Variants in WASF2 observed in about 807,000 individuals in gnomAD.
The protein encoded by WASF2 is WASP family member 2.
In WASF2, 14 loss-of-function variants were observed where a neutral mutation model predicts 45.0. The ratio of observed to expected loss-of-function variants is 0.31; its 90% CI spans 0.21 to 0.49. The LOEUF is 0.49. Ranked by LOEUF, WASF2 falls within the 20% of genes least tolerant of loss-of-function variation. WASF2 has a pLI of 0.99. For missense variants in WASF2, 439 were observed against 636.1 expected, an observed-to-expected ratio of 0.69 and a Z score of 3.33; for synonymous variants, 200 against 236.3, an observed-to-expected ratio of 0.85 and a Z score of 1.41.
intron 2 of WASF2, among the ~76,000 whole-genome samples, chr1:27,422,738 A>G (rs2016926681): frequency 1.3e-5 from 2 of 152,102 alleles, no homozygotes; most frequent in African/African-American, 4.8e-5. Context: ...AGTGGGGATA[A>G]TATCTACCCC....
At chr1:27,489,447 GGTAC>G (rs199600023) in intron 1 of WASF2, among the ~76,000 whole-genome samples, 1 of 72,728 alleles carries the variant, frequency 1.4e-5, no homozygotes, top group African/African-American at 7.6e-5. Context: ...ATTACTTCAT[GGTAC>G]GTACACACAC....
intron 1 of WASF2, among the ~76,000 whole-genome samples, chr1:27,481,980 T>C (rs933293796): frequency 6.6e-6 from 1 of 152,210 alleles, no homozygotes; most frequent in East Asian, 1.9e-4. Flanking sequence ...CATTCAACAA[T>C]TCTTGTTTCT....
At chr1:27,461,460 ATTTTT>A (rs1310567255) in intron 1 of WASF2, among the ~76,000 whole-genome samples, 1 of 127,698 alleles carries the variant, frequency 7.8e-6, no homozygotes, top group Admixed American at 7.8e-5. Context: ...CCACTTCAGC[ATTTTT>A]TTTTTTTTTT....
In WASF2 at chr1:27,470,273, G is replaced by C. The variant is rs2017671675; in HGVS notation, c.-44+19713C>G. Among the ~76,000 whole-genome samples the C allele has an allele frequency of 2.6e-5, 4 of 152,202 alleles. No homozygotes were observed. In the South Asian group the frequency reaches 8.3e-4, roughly 31 times the overall value. ...GTACTTTAGTCAATAAGCATTGGGA[G>C]TCACACATTTGGAGTTCTAGATGAT... is the stretch of plus-strand genomic sequence containing the variant. On this transcript the variant is annotated intron_variant, in intron 1 of 8. Transcript: ENST00000618852.
intron 1 of WASF2, among the ~76,000 whole-genome samples, chr1:27,488,340 T>G (rs192584889): frequency 6.6e-6 from 1 of 152,120 alleles, no homozygotes; most frequent in African/African-American, 2.4e-5. Flanking sequence ...AAAAAACAGG[T>G]TGCACAAAGA....
chr1:27,478,476 A>T (rs902630841), intron 1 of WASF2, among the ~76,000 whole-genome samples: 1 of 152,222 alleles, frequency 6.6e-6, no homozygotes, highest in Non-Finnish European at 1.5e-5. Flanking sequence ...GGTAAATTTA[A>T]TATGTGGGGA....
intron 1 of WASF2, among the ~76,000 whole-genome samples, chr1:27,455,033 G>A (rs1426225599): frequency 2.0e-5 from 3 of 151,974 alleles, no homozygotes; most frequent in Non-Finnish European, 4.4e-5. Flanking sequence ...TTAATTATGA[G>A]ACAATACCAA....
At chr1:27,449,861 T>C (rs1191260476) in intron 1 of WASF2, among the ~76,000 whole-genome samples, 1 of 151,830 alleles carries the variant, frequency 6.6e-6, no homozygotes, top group African/African-American at 2.4e-5. Flanking sequence ...TGAAAATTAT[T>C]GGCTGGGCAT....
chr1:27,476,281 C>T (rs1349743831), intron 1 of WASF2, among the ~76,000 whole-genome samples: 1 of 152,194 alleles, frequency 6.6e-6, no homozygotes, highest in Non-Finnish European at 1.5e-5. Context: ...GGTTTCACTG[C>T]TCACAGTTCT....
At chr1:27,441,642 T>C (rs1342996344) in intron 1 of WASF2, among the ~76,000 whole-genome samples, 1 of 150,892 alleles carries the variant, frequency 6.6e-6, no homozygotes, top group Non-Finnish European at 1.5e-5. Flanking sequence ...TAGTCCCAGC[T>C]ACTCCGGAGG....
chr1:27,463,579 C>T (rs1229496041), intron 1 of WASF2, among the ~76,000 whole-genome samples: 2 of 144,702 alleles, frequency 1.4e-5, no homozygotes, highest in African/African-American at 5.2e-5. Context: ...GCCGAGATAG[C>T]GCCACTGCAC....
At chr1:27,418,776 G>A (rs916284188) in intron 3 of WASF2, among the ~76,000 whole-genome samples, 178 bp downstream of exon 3, 1 of 152,078 alleles carries the variant, frequency 6.6e-6, no homozygotes, top group African/African-American at 2.4e-5. Context: ...GTGCATGGGG[G>A]TGTGGTGGAG....
At chr1:27,469,556 G>C (rs952896791) in intron 1 of WASF2, among the ~76,000 whole-genome samples, 2 of 152,116 alleles carry the variant, frequency 1.3e-5, no homozygotes, top group African/African-American at 4.8e-5. Context: ...CATTGTAGAA[G>C]ATGCACAGAA....
chr1:27,440,078 C>T (rs184421999), intron 1 of WASF2, among the ~76,000 whole-genome samples: 7 of 152,168 alleles, frequency 4.6e-5, no homozygotes, highest in Admixed American at 6.5e-5. Flanking sequence ...AAAAAACAGA[C>T]GGAAAGGTTT....
chr1:27,420,514 C>CTTTTTTTT (rs782294669), intron 2 of WASF2, among the ~76,000 whole-genome samples: 10 of 82,490 alleles, frequency 1.2e-4, no homozygotes, highest in Admixed American at 2.0e-4. Context: ...ACCATCTGAG[C>CTTTTTTTT]TTTTTTTTTT....
chr1:27,485,353 C>T (rs186170723), intron 1 of WASF2, among the ~76,000 whole-genome samples: 4 of 151,774 alleles, frequency 2.6e-5, no homozygotes, highest in South Asian at 2.1e-4. Flanking sequence ...GAGGCCAAGG[C>T]GGGAAGATCA....
Position 27,434,145 on chromosome 1 carries a change from G to T in WASF2, c.-43-5212C>A, listed in dbSNP as rs368262808. Among the ~76,000 whole-genome samples, 15 of 152,286 alleles carry T rather than the reference G, an allele frequency of 9.8e-5. No homozygotes were observed. The East Asian group carries it at 2.5e-3, about 25-fold the overall frequency. ...TATCTAGGTCATTTTAATTAGAATT[G>T]TCCGATAGTAGAATGGCTTATCTTT... On this transcript the variant is annotated intron_variant, in intron 1 of 8. Transcript: ENST00000618852.
At chr1:27,434,491 G>A (rs189217068) in intron 1 of WASF2, among the ~76,000 whole-genome samples, 2 of 152,168 alleles carry the variant, frequency 1.3e-5, no homozygotes, top group Admixed American at 1.3e-4. Context: ...CACATTTAGG[G>A]ACTGTAGAGA....
At chr1:27,415,211 T>A (rs919322669) in intron 5 of WASF2, among the ~76,000 whole-genome samples, 1 of 152,198 alleles carries the variant, frequency 6.6e-6, no homozygotes, top group Non-Finnish European at 1.5e-5. Flanking sequence ...CACTTCCTCT[T>A]TGGATAACTC....
Sources: allele counts gnomAD v4.1 joint callset (sites outside exome capture counted in the v4.1 genomes callset), GRCh38; gene constraint gnomAD v4.1.1; transcripts MANE v1.5; gene names NCBI Gene and HGNC (gene_info 2026-07-23, HGNC 2026-07-21).